Variants in PCDH15 observed in about 807,000 individuals in gnomAD.
PCDH15 encodes protocadherin-15.
Under a neutral mutation model 178.5 loss-of-function variants are expected in PCDH15, and 129 were observed. The ratio of observed to expected loss-of-function variants is 0.72; its 90% CI spans 0.63 to 0.84. PCDH15 has a LOEUF of 0.84. Ranked by LOEUF, PCDH15 falls within the 40% of genes least tolerant of loss-of-function variation. The pLI, the probability that PCDH15 is intolerant of heterozygous loss-of-function variation, is 0.00. For missense variants in PCDH15, 2,230 were observed against 2,099.9 expected, an observed-to-expected ratio of 1.06 and a Z score of -1.21; for synonymous variants, 800 against 732.0, an observed-to-expected ratio of 1.09 and a Z score of -1.50.
At chr10:55,120,750 G>T (rs1837745545) in intron 2 of PCDH15, among the ~76,000 whole-genome samples, 1 of 152,092 alleles carries the variant, frequency 6.6e-6, no homozygotes, top group Non-Finnish European at 1.5e-5. Flanking sequence ...GTGCTCTTTG[G>T]TCTCCCCAGT....
chr10:54,851,918 T>C (rs1286195914), intron 3 of PCDH15, among the ~76,000 whole-genome samples: 1 of 152,168 alleles, frequency 6.6e-6, no homozygotes, highest in Non-Finnish European at 1.5e-5. Flanking sequence ...AATAAAGTTT[T>C]AAAATAACAC....
At chr10:55,568,365 C>A (rs899598572) in intron 2 of PCDH15, among the ~76,000 whole-genome samples, 3 of 151,976 alleles carry the variant, frequency 2.0e-5, no homozygotes, top group African/African-American at 7.2e-5. Flanking sequence ...AGTCAAAATC[C>A]TCAGAACAGA....
chr10:53,868,514 T>C (rs2079609173), intron 26 of PCDH15, among the ~76,000 whole-genome samples: 2 of 152,154 alleles, frequency 1.3e-5, no homozygotes, highest in Non-Finnish European at 2.9e-5. Context: ...TAGCCAAATA[T>C]GACAAATGAA....
intron 1 of PCDH15, among the ~76,000 whole-genome samples, chr10:54,676,163 A>G (rs1413717251): frequency 6.6e-6 from 1 of 152,020 alleles, no homozygotes; most frequent in Non-Finnish European, 1.5e-5. Context: ...AATATTTTAA[A>G]TCGTCGAACT....
intron 2 of PCDH15, among the ~76,000 whole-genome samples, chr10:55,006,363 A>C (rs924450699): frequency 5.3e-5 from 8 of 152,230 alleles, no homozygotes; most frequent in African/African-American, 1.4e-4. Context: ...AAGCCATCCA[A>C]ATCAACCACC....
intron 1 of PCDH15, among the ~76,000 whole-genome samples, chr10:55,174,330 T>C (rs79892984): frequency 6.9e-4 from 105 of 152,246 alleles, no homozygotes; most frequent in African/African-American, 2.5e-3. Flanking sequence ...AAAACCAGGC[T>C]GCCAGTTCTG....
rs1329760707 is a variant in PCDH15, at chr10:55,289,310, GAAGTT to G, written c.-156+30284_-156+30288del. Among the ~76,000 whole-genome samples, 24 of 151,940 alleles carry G rather than the reference GAAGTT, an allele frequency of 1.6e-4. No homozygotes were observed. In the East Asian group the frequency reaches 4.3e-3, roughly 27 times the overall value. On this transcript the variant is annotated intron_variant, in intron 1 of 5. Coordinates refer to the PCDH15 transcript ENST00000458638. ...ATGAGAAATACAAATCTAGAATGTG[GAAGTT>G]AAGAACTGCCTGTTTAATAAAATCA...
chr10:54,775,560 A>G (rs1949598071), intron 1 of PCDH15, among the ~76,000 whole-genome samples: 1 of 152,224 alleles, frequency 6.6e-6, no homozygotes, highest in Non-Finnish European at 1.5e-5. Flanking sequence ...GCTATAAAAT[A>G]TTAGAACTTG....
At chr10:55,225,463 C>T (rs1841005011) in intron 1 of PCDH15, among the ~76,000 whole-genome samples, 1 of 151,980 alleles carries the variant, frequency 6.6e-6, no homozygotes, top group Admixed American at 6.6e-5. Context: ...AAGAGGATAG[C>T]CAAGTGGCAA....
At chr10:54,831,519 A>T (rs1953227336) in intron 3 of PCDH15, among the ~76,000 whole-genome samples, 1 of 152,080 alleles carries the variant, frequency 6.6e-6, no homozygotes, top group Non-Finnish European at 1.5e-5. Context: ...CCAAGTGTGG[A>T]TCTGTTCTAC....
chr10:54,150,959 G>A (rs186441787), intron 14 of PCDH15, among the ~76,000 whole-genome samples: 1 of 152,108 alleles, frequency 6.6e-6, no homozygotes, highest in East Asian at 1.9e-4. Context: ...ATCCATCTAA[G>A]CCATGGATGC....
At chr10:55,302,015 T>G (rs1048559710) in intron 1 of PCDH15, among the ~76,000 whole-genome samples, 1 of 152,194 alleles carries the variant, frequency 6.6e-6, no homozygotes, top group Non-Finnish European at 1.5e-5. Context: ...GTTAGTAGAA[T>G]GCTATCTTCC....
At chr10:54,890,684 A>G (rs1306025150) in intron 3 of PCDH15, among the ~76,000 whole-genome samples, 1 of 152,016 alleles carries the variant, frequency 6.6e-6, no homozygotes, top group East Asian at 1.9e-4. Flanking sequence ...ATAACACATC[A>G]CTTGGGATAC....
intron 2 of PCDH15, among the ~76,000 whole-genome samples, chr10:55,156,039 C>A (rs911752654): frequency 3.3e-5 from 5 of 151,976 alleles, no homozygotes; most frequent in Admixed American, 3.3e-4. Flanking sequence ...CACAGGAAAC[C>A]CACGAAGAGA....
At chr10:54,352,422 C>T (rs902920590) in intron 5 of PCDH15, among the ~76,000 whole-genome samples, 2 of 152,052 alleles carry the variant, frequency 1.3e-5, no homozygotes, top group South Asian at 2.1e-4. Flanking sequence ...ATTTAAAATA[C>T]GATTGATGAG....
At chr10:54,039,106 A>C (rs1590061672) in intron 18 of PCDH15, among the ~76,000 whole-genome samples, 1 of 152,128 alleles carries the variant, frequency 6.6e-6, no homozygotes, top group East Asian at 1.9e-4. Flanking sequence ...GGCAGTTATT[A>C]TTGTCCATAT....
chr10:55,390,302 T>C (rs1837761553), intron 2 of PCDH15, among the ~76,000 whole-genome samples: 4 of 152,172 alleles, frequency 2.6e-5, no homozygotes, highest in Admixed American at 6.6e-5. Flanking sequence ...TCTTTTTTGC[T>C]TGTGAAGGGT....
intron 18 of PCDH15, among the ~76,000 whole-genome samples, chr10:54,044,749 T>C (rs1185947513): frequency 6.6e-6 from 1 of 152,164 alleles, no homozygotes; most frequent in African/African-American, 2.4e-5. Context: ...AAGAAGGCTA[T>C]TGCTGGATTT....
At chr10:54,365,356 A>G (rs947621629) in intron 5 of PCDH15, among the ~76,000 whole-genome samples, 16 of 152,136 alleles carry the variant, frequency 1.1e-4, no homozygotes, top group African/African-American at 3.9e-4. Flanking sequence ...CTCCATAAAC[A>G]ATACATTTTA....
Sources: gnomAD v4.1 joint callset for allele counts (sites outside exome capture counted in the v4.1 genomes callset) on GRCh38, gnomAD v4.1.1 for gene constraint, MANE v1.5 for transcripts, NCBI Gene and HGNC (gene_info 2026-07-23, HGNC 2026-07-21) for gene names.